The following SUGCT variants were observed in gnomAD, a reference collection of about 807,000 sequenced individuals.
SUGCT encodes the protein succinyl-CoA:glutarate CoA-transferase.
Under a neutral mutation model 55.0 loss-of-function variants are expected in SUGCT, and 41 were observed. That is an observed-to-expected ratio of 0.74 (90% CI 0.58 to 0.97). The LOEUF is 0.97. SUGCT is among the 50% of genes least tolerant of loss of function. The probability of loss-of-function intolerance (pLI) is 0.00; values close to 1 mark genes in which losing one functional copy is unlikely to be tolerated. For missense variants in SUGCT, 568 were observed against 547.8 expected (o/e 1.04, Z -0.37); for synonymous variants, 187 against 200.4 (o/e 0.93, Z 0.56).
At chr7:40,368,321 C>A (rs1049282725) in intron 9 of SUGCT, among the ~76,000 whole-genome samples, 6 of 152,086 alleles carry the variant, frequency 3.9e-5, no homozygotes, top group African/African-American at 1.4e-4. Context: ...CTTCAACGTC[C>A]TGAGTAGCTA....
intron 8 of SUGCT, among the ~76,000 whole-genome samples, chr7:40,304,032 G>T (rs1368917153): frequency 7.0e-6 from 1 of 143,764 alleles, no homozygotes; most frequent in East Asian, 2.0e-4. Context: ...TTGGGCAACA[G>T]AGTGAGACTC....
chr7:40,947,854 A>G, the SUGCT span, among the ~76,000 whole-genome samples: 1 of 152,202 alleles, frequency 6.6e-6, no homozygotes, highest in Non-Finnish European at 1.5e-5. Context: ...CAGGCAGTTC[A>G]CAACTTTTCC....
chr7:40,591,695 A>G (rs1426503610), intron 12 of SUGCT, among the ~76,000 whole-genome samples: 1 of 152,190 alleles, frequency 6.6e-6, no homozygotes, highest in South Asian at 2.1e-4. Context: ...AATTTTCAGC[A>G]GCCACCGCTT....
intron 9 of SUGCT, among the ~76,000 whole-genome samples, chr7:40,335,202 G>A (rs974252493): frequency 6.6e-6 from 1 of 152,188 alleles, no homozygotes; most frequent in African/African-American, 2.4e-5. Flanking sequence ...CTCTAGCTTT[G>A]TTCTTTTGGC....
At chr7:40,874,800 G>C in the SUGCT span, among the ~76,000 whole-genome samples, 1 of 152,140 alleles carries the variant, frequency 6.6e-6, no homozygotes, top group Non-Finnish European at 1.5e-5. Context: ...TCCTCATCAG[G>C]CTTCAAGATC....
intron 13 of SUGCT, among the ~76,000 whole-genome samples, chr7:40,759,098 C>G (rs970676939): frequency 6.6e-6 from 1 of 152,158 alleles, no homozygotes; most frequent in African/African-American, 2.4e-5. Flanking sequence ...TAAAGAAGCA[C>G]TACCCTCCGT....
chr7:40,579,968 T>A (rs982304406), intron 12 of SUGCT, among the ~76,000 whole-genome samples: 19 of 152,210 alleles, frequency 1.2e-4, no homozygotes, highest in Non-Finnish European at 2.6e-4. Context: ...AAGAGATAAC[T>A]GTAAAGTAAC....
At chr7:40,683,011 T>C (rs1784320909) in intron 12 of SUGCT, among the ~76,000 whole-genome samples, 1 of 152,182 alleles carries the variant, frequency 6.6e-6, no homozygotes, top group Non-Finnish European at 1.5e-5. Context: ...AGTAGTGAAA[T>C]AGGATTCCTT....
At chr7:40,297,863 A>T (rs1029621869) in intron 8 of SUGCT, among the ~76,000 whole-genome samples, 3 of 152,146 alleles carry the variant, frequency 2.0e-5, no homozygotes, top group Non-Finnish European at 4.4e-5. Context: ...TTTTTTCAAG[A>T]TGATTCATAA....
At chr7:40,283,068 A>T (rs1793075498) in intron 8 of SUGCT, among the ~76,000 whole-genome samples, 1 of 152,136 alleles carries the variant, frequency 6.6e-6, no homozygotes, top group Non-Finnish European at 1.5e-5. Context: ...TCTGCACAGC[A>T]AAGGGAACAA....
chr7:40,733,129 C>T (rs1040590092), intron 12 of SUGCT, among the ~76,000 whole-genome samples: 3 of 152,178 alleles, frequency 2.0e-5, no homozygotes, highest in Admixed American at 6.5e-5. Flanking sequence ...ACAGATGTGT[C>T]TGAGAGAAGC....
At chr7:40,257,257 TC>T (rs1790874177) in intron 7 of SUGCT, among the ~76,000 whole-genome samples, 1 of 152,170 alleles carries the variant, frequency 6.6e-6, no homozygotes, top group Non-Finnish European at 1.5e-5. Flanking sequence ...TACATTATTT[TC>T]ATTGAGCATT....
chr7:40,425,502 T>G (rs1249063491), intron 9 of SUGCT, among the ~76,000 whole-genome samples: 1 of 152,162 alleles, frequency 6.6e-6, no homozygotes, highest in Non-Finnish European at 1.5e-5. Flanking sequence ...CCTGATCTCT[T>G]GTCTTCAACT....
intron 12 of SUGCT, among the ~76,000 whole-genome samples, chr7:40,670,169 CAAAAAAAAAAA>C (rs34786531): frequency 1.0e-4 from 6 of 58,210 alleles, no homozygotes; most frequent in Non-Finnish European, 2.1e-4. Flanking sequence ...GACTCCATCT[CAAAAAAAAAAA>C]AAAAAAAAAA....
At chr7:40,322,714 C>T (rs141693734) in intron 9 of SUGCT, among the ~76,000 whole-genome samples, 260 of 152,250 alleles carry the variant, frequency 1.7e-3, no homozygotes, top group Admixed American at 4.3e-3. Flanking sequence ...AATCCCAGCA[C>T]TACTGATGCG....
intron 9 of SUGCT, among the ~76,000 whole-genome samples, chr7:40,367,634 G>T (rs1784066189): frequency 1.3e-5 from 2 of 152,034 alleles, no homozygotes; most frequent in Non-Finnish European, 2.9e-5. Context: ...AGAGCAAAAA[G>T]AAATATAATA....
intron 12 of SUGCT, among the ~76,000 whole-genome samples, chr7:40,625,478 C>G (rs1026088311): frequency 1.3e-5 from 2 of 152,082 alleles, no homozygotes; most frequent in African/African-American, 4.8e-5. Context: ...CCCTCACCTC[C>G]TCTTCCTCCT....
At chr7:41,027,843 G>C in the SUGCT span, among the ~76,000 whole-genome samples, 1 of 152,142 alleles carries the variant, frequency 6.6e-6, no homozygotes, top group Non-Finnish European at 1.5e-5. Context: ...ATCTACGTTA[G>C]CTGAGTAATC....
At chr7:40,742,986 TGAA>T (rs1242572511) in intron 12 of SUGCT, among the ~76,000 whole-genome samples, 3 of 152,244 alleles carry the variant, frequency 2.0e-5, no homozygotes, top group African/African-American at 4.8e-5. Flanking sequence ...GTATTCTTAA[TGAA>T]GAAGAACTCT....
Sources: gnomAD v4.1 joint callset for allele counts (sites outside exome capture counted in the v4.1 genomes callset) on GRCh38, gnomAD v4.1.1 for gene constraint, MANE v1.5 for transcripts, NCBI Gene and HGNC (gene_info 2026-07-23, HGNC 2026-07-21) for gene names.